CTSW: variants seen among roughly 807,000 people sequenced by gnomAD.
CTSW encodes the protein lymphopain.
A neutral mutation model predicts 43.8 loss-of-function variants in CTSW; 42 were observed. The ratio of observed to expected loss-of-function variants is 0.96; its 90% CI spans 0.75 to 1.24. The LOEUF is 1.24. Ranked by LOEUF, CTSW falls within the 50% of genes most tolerant of loss-of-function variation. The probability of loss-of-function intolerance (pLI) is 0.00; values close to 1 mark genes in which losing one functional copy is unlikely to be tolerated. For missense variants in CTSW, 475 were observed against 479.9 expected, an observed-to-expected ratio of 0.99 and a Z score of 0.09; for synonymous variants, 191 against 184.8, an observed-to-expected ratio of 1.03 and a Z score of -0.27.
intron 2 of CTSW, among the ~76,000 whole-genome samples, chr11:65,881,075 C>T (rs1860100377): frequency 6.6e-6 from 1 of 152,190 alleles, no homozygotes; most frequent in African/African-American, 2.4e-5. Flanking sequence ...TCCAGCTCTC[C>T]TCCTGTGGTC....
At chr11:65,882,933 T>C (rs1346393453) in intron 7 of CTSW, 29 bp downstream of exon 7, 2 of 1,612,870 alleles carry the variant, frequency 1.2e-6, no homozygotes, top group Admixed American at 1.7e-5. Flanking sequence ...CACGGGCGGA[T>C]GGCAGGGACA....
rs756546342 is a variant in CTSW, at chr11:65,883,076, G to A, written c.753G>A (p.Ala251=). The A allele has an allele frequency of 3.0e-5, 48 of 1,613,962 alleles. No homozygotes were observed. Among genetic ancestry groups the A allele is most frequent in the African/African-American group, 1.1e-4 (8 of 74,888 alleles). ...IMLQNNEHRI[A]QYLATYGPIT... The stretch of plus-strand genomic sequence containing the variant: ...TGATGTTCCTGTCCCCAGGAATTGC[G>A]CAGTACCTGGCCACTTATGGCCCCA... The change falls in exon 8 of 10, where the codon GCG becomes GCA. Residue 251 remains alanine (A), a synonymous_variant. Coordinates refer to ENST00000307886, the MANE Select transcript of CTSW (RefSeq NM_001335.4).
At position 65,883,343 on chromosome 11, in the gene CTSW, A is replaced by G. The variant is rs1860142265; in HGVS notation, c.939A>G (p.Ser313=). ...SEEGIWAETV[S]SQSQPQPPHP... Reference sequence around the variant, plus strand: ...AGGGGATATGGGCAGAGACAGTCTCATCGCAGTCTCAGCCTCAGCCTCCAC... The same window carrying G: ...AGGGGATATGGGCAGAGACAGTCTCGTCGCAGTCTCAGCCTCAGCCTCCAC... Residue 313 remains serine, a synonymous_variant, in exon 9 of 10, where the codon TCA becomes TCG. Transcript: ENST00000307886. The G allele has an allele frequency of 6.2e-7, 1 of 1,613,972 alleles. No homozygotes were observed. Among genetic ancestry groups the G allele is most frequent in the Admixed American group, 1.7e-5 (1 of 60,004 alleles).
Position 65,882,176 on chromosome 11 carries a change from G to A in CTSW, c.288G>A (p.Glu96=), listed in dbSNP as rs531414737. ...TCAGTGGCCCTGTCTGTTCCCCAGA[G>A]GAGGAGTTTGGCCAGCTCTATGGCT... ...FGVTPFSDLT[E]EEFGQLYGYR... The change falls in exon 4 of 10, where the codon GAG becomes GAA. Residue 96 remains glutamate (E), a splice_region_variant and synonymous_variant. Transcript: ENST00000307886. 6 of 1,613,844 alleles carry A rather than the reference G, an allele frequency of 3.7e-6. No individual in the cohort carries two copies. In the African/African-American group the frequency reaches 5.3e-5, roughly 14 times the overall value.
rs1317949750 is a variant in CTSW, at chr11:65,882,782, G to T, written c.623G>T (p.Gly208Val). ...DAFITVLNNS[G>V]LASEKDYPFQ... The stretch of plus-strand genomic sequence containing the variant: ...CCCTTGTCTTGCTTATCTGCAGGCG[G>T]CCTGGCCAGTGAAAAGGACTACCCG... The change falls in exon 7 of 10, where the codon GGC (glycine) becomes GTC (valine). Residue 208 changes from glycine to valine, a missense_variant. Coordinates refer to ENST00000307886, the MANE Select transcript of CTSW (RefSeq NM_001335.4). 6.2e-7 allele frequency: 1 copy of T among 1,614,182 alleles called. No homozygotes were observed.
At position 65,883,386 on chromosome 11, in the gene CTSW, A is replaced by T. The variant is rs369593004; in HGVS notation, c.982A>T (p.Ile328Phe). 2.5e-6 allele frequency: 4 copies of T among 1,613,916 alleles called. No individual in the cohort carries two copies. The African/African-American group carries it at 5.3e-5, about 22-fold the overall frequency. ...GCCTCCACACCCCACCCCATACTGG[A>T]TCCTGAAGAACTCCTGGGGGGCCCA... ...PQPPHPTPYW[I>F]LKNSWGAQWG... Residue 328 changes from isoleucine to phenylalanine, a missense_variant, in exon 9 of 10, where the codon ATC (isoleucine) becomes TTC (phenylalanine). Physicochemically the swap from Ile to Phe is conservative, Grantham distance 21. Coordinates refer to ENST00000307886, the MANE Select transcript of CTSW (RefSeq NM_001335.4).
chr11:65,880,362 AC>A, intron 2 of CTSW, 76 bp downstream of exon 2: 1 of 1,234,526 alleles, frequency 8.1e-7, no homozygotes, highest in Non-Finnish European at 1.2e-6. Context: ...ACTCTTGTTG[AC>A]CAGGCTGGAG....
In CTSW at chr11:65,883,351, C is replaced by G; in HGVS notation, c.947C>G (p.Ser316Cys). ...TGGGCAGAGACAGTCTCATCGCAGT[C>G]TCAGCCTCAGCCTCCACACCCCACC... ...GIWAETVSSQ[S>C]QPQPPHPTPY... Residue 316 changes from serine to cysteine, a missense_variant, in exon 9 of 10, where the codon TCT (serine) becomes TGT (cysteine). Coordinates refer to ENST00000307886, the MANE Select transcript of CTSW (RefSeq NM_001335.4). 1 of 1,614,104 alleles carries G rather than the reference C, an allele frequency of 6.2e-7. No individual in the cohort carries two copies. Among genetic ancestry groups the G allele is most frequent in the Non-Finnish European group, 8.5e-7 (1 of 1,180,022 alleles).
At chr11:65,882,042 T>A in intron 3 of CTSW, 133 bp from the exon 4 acceptor site, 2 of 1,063,008 alleles carry the variant, frequency 1.9e-6, no homozygotes, top group Non-Finnish European at 2.7e-6. Flanking sequence ...ATTATAGGTG[T>A]GAGCCACCAC....
intron 8 of CTSW, 24 bp from the exon 9 acceptor site, chr11:65,883,191 C>G: frequency 1.2e-6 from 2 of 1,613,612 alleles, no homozygotes; most frequent in South Asian, 1.1e-5. Context: ...CCACACTCAG[C>G]CCCTCGGCCC....
In CTSW at chr11:65,883,404, G is replaced by A; in HGVS notation, c.1000G>A (p.Gly334Arg). The stretch of plus-strand genomic sequence containing the variant: ...ATACTGGATCCTGAAGAACTCCTGG[G>A]GGGCCCAATGGGGAGAGAAGGTGAG... ...TPYWILKNSW[G>R]AQWGEKGYFR... is the part of the protein sequence containing the mutation. The change falls in exon 9 of 10, where the codon GGG becomes AGG. Residue 334 changes from glycine (G) to arginine (R), a missense_variant. Physicochemically the swap from Gly to Arg is moderately radical, Grantham distance 125 (BLOSUM62 -2). Coordinates refer to ENST00000307886, the MANE Select transcript of CTSW (RefSeq NM_001335.4). The A allele has an allele frequency of 1.9e-6, 3 of 1,614,096 alleles. No individual in the cohort carries two copies. The highest frequency in any genetic ancestry group is 2.5e-6 in the Non-Finnish European group (3 of 1,179,996).
chr11:65,880,379 T>G, intron 2 of CTSW, 93 bp downstream of exon 2: 1 of 1,008,358 alleles, frequency 9.9e-7, no homozygotes, highest in South Asian at 1.4e-5. Flanking sequence ...TGGAGTGCAA[T>G]GGTGTCATCT....
rs757465415 is a variant in CTSW at position 65,883,610 on chromosome 11, C to G, written c.1123C>G (p.Pro375Ala). 4 of 1,613,412 alleles carry G rather than the reference C, an allele frequency of 2.5e-6. No homozygotes were observed. Among genetic ancestry groups the G allele is most frequent in the Non-Finnish European group, 3.4e-6 (4 of 1,179,438 alleles). Reference sequence around the variant, plus strand: ...GGATATGAAGCCCCGAGTCTCCTGCCCTCCCTGAACCCACCTGGCCCCCTC... The same window carrying G: ...GGATATGAAGCCCCGAGTCTCCTGCGCTCCCTGAACCCACCTGGCCCCCTC... ...KPDMKPRVSC[P>A]P The change falls in exon 10 of 10, where the codon CCT (proline) becomes GCT (alanine). Residue 375 changes from proline (P) to alanine (A), a missense_variant. Physicochemically the swap from Pro to Ala is conservative, Grantham distance 27 (BLOSUM62 -1). Transcript: ENST00000307886.
chr11:65,879,885 C>T lies in CTSW; in HGVS notation c.31C>T (p.Leu11=). MALTAHPSCL[L]ALLVAGLAQG... is the part of the protein sequence containing the mutation. ...ACTGACTGCCCACCCCTCCTGCCTC[C>T]TGGCCCTGTTGGTGGCAGGCCTAGC... The change falls in exon 1 of 10, where the codon CTG becomes TTG. Residue 11 remains leucine, a synonymous_variant. Coordinates refer to ENST00000307886, the MANE Select transcript of CTSW (RefSeq NM_001335.4). 1.9e-6 allele frequency: 3 copies of T among 1,601,842 alleles called. No homozygotes were observed. The highest frequency in any genetic ancestry group is 1.3e-5 in the African/African-American group (1 of 74,954).
At position 65,883,593 on chromosome 11, in the gene CTSW, A is replaced by T. The variant is rs1212655248; in HGVS notation, c.1106A>T (p.Lys369Met). Residue 369 changes from lysine (K) to methionine (M), a missense_variant, in exon 10 of 10, where the codon AAG (lysine) becomes ATG (methionine). Physicochemically the swap from Lys to Met is moderately conservative, Grantham distance 95. Coordinates refer to ENST00000307886, the MANE Select transcript of CTSW (RefSeq NM_001335.4). ...LTARVQKPDM[K>M]PRVSCPP ...GCCCGTGTGCAGAAACCGGATATGA[A>T]GCCCCGAGTCTCCTGCCCTCCCTGA... 6.2e-7 allele frequency: 1 copy of T among 1,613,826 alleles called. No homozygotes were observed. Among genetic ancestry groups the T allele is most frequent in the Admixed American group, 1.7e-5 (1 of 59,978 alleles).
At chr11:65,882,368 T>C (rs1380717803) in intron 4 of CTSW, 39 bp downstream of exon 4, 1 of 1,613,756 alleles carries the variant, frequency 6.2e-7, no homozygotes, top group Non-Finnish European at 8.5e-7. Flanking sequence ...TTCAGCTAAG[T>C]GGTGGGAGGG....
rs772908816 is a variant in CTSW at position 65,883,657 on chromosome 11, C to G, written c.*39C>G. ...CCTCAGCTCTGTCCTGTTAGGCCAA[C>G]TGCCTCCTTGCCAGCCCCACCCCCA... is the stretch of plus-strand genomic sequence containing the variant. On this transcript the variant is annotated 3_prime_UTR_variant, in exon 10 of 10. Transcript: ENST00000307886. 1.3e-6 allele frequency: 2 copies of G among 1,571,472 alleles called. No homozygotes were observed. The highest frequency in any genetic ancestry group is 2.2e-5 in the South Asian group (2 of 90,268).
intron 1 of CTSW, 116 bp downstream of exon 1, chr11:65,880,057 C>A (rs539134062): frequency 2.5e-6 from 3 of 1,194,988 alleles, no homozygotes; most frequent in Non-Finnish European, 2.4e-6. Flanking sequence ...GGAGAGGGGG[C>A]TGACGTGCCC....
chr11:65,880,454 G>A (rs1860092407), intron 2 of CTSW, 168 bp downstream of exon 2: 1 of 513,252 alleles, frequency 1.9e-6, no homozygotes. Context: ...CTGAGTAGCT[G>A]GGATTACAGG....
Sources: allele counts gnomAD v4.1 joint callset (sites outside exome capture counted in the v4.1 genomes callset), GRCh38; gene constraint gnomAD v4.1.1; transcripts MANE v1.5; gene names NCBI Gene and HGNC (gene_info 2026-07-23, HGNC 2026-07-21).